OAS1: variants seen among roughly 807,000 people sequenced by gnomAD.
OAS1 encodes 2'-5'-oligoadenylate synthetase 1, also known as 2'-5'-oligoadenylate synthase 1.
In OAS1, 24 loss-of-function variants were observed where a neutral mutation model predicts 38.5. The ratio of observed to expected loss-of-function variants is 0.62; its 90% confidence interval spans 0.45 to 0.88. The LOEUF (loss-of-function observed/expected upper bound fraction) is 0.88. Among genes scored for constraint, OAS1 ranks in the 40% least tolerant of loss-of-function variants. OAS1 has a pLI of 0.00. For missense variants in OAS1, 482 were observed against 493.9 expected (o/e 0.98, Z 0.23); for synonymous variants, 169 against 193.9 (o/e 0.87, Z 1.07).
rs772834487 is a variant in OAS1, at chr12:112,919,629, TC to T, written c.*78del. The stretch of plus-strand genomic sequence containing the variant: ...CTTCATTTTCAGGTGGGACTCTTGA[TC>T]CAGAGAGGACAAAGCTCCTCAGTGA... On this transcript the variant is annotated 3_prime_UTR_variant, in exon 6 of 6. Coordinates refer to ENST00000202917, the MANE Select transcript of OAS1 (RefSeq NM_016816.4). 23 of 1,611,338 alleles carry T rather than the reference TC, an allele frequency of 1.4e-5. 1 individual carries two copies. The highest frequency in any genetic ancestry group is 2.5e-6 in the Non-Finnish European group (3 of 1,178,850).
chr12:112,921,999 G>A (rs533256820), downstream of OAS1, among the ~76,000 whole-genome samples: 1 of 152,306 alleles, frequency 6.6e-6, no homozygotes, highest in South Asian at 2.1e-4. Flanking sequence ...CAAATGACAA[G>A]CCTGACTTGG....
At chr12:112,925,209 G>A (rs895022191) in intron 6 of OAS1, among the ~76,000 whole-genome samples, 10 of 152,168 alleles carry the variant, frequency 6.6e-5, no homozygotes, top group African/African-American at 2.2e-4. Context: ...TCAGCTTCAT[G>A]TTAGGTCTCC....
chr12:112,926,875 C>T (rs1043436043), intron 6 of OAS1, among the ~76,000 whole-genome samples: 1 of 152,170 alleles, frequency 6.6e-6, no homozygotes, highest in Non-Finnish European at 1.5e-5. Flanking sequence ...ACCCCCAGAG[C>T]GGCCATTTTA....
chr12:112,919,017 C>G (rs986825246), intron 5 of OAS1: 3 of 280,324 alleles, frequency 1.1e-5, no homozygotes, highest in Middle Eastern at 1.2e-3. Flanking sequence ...GAGAAGTGAA[C>G]AGGGATGCAG....
chr12:112,909,815 G>A (rs540477036), intron 2 of OAS1, among the ~76,000 whole-genome samples: 57 of 152,224 alleles, frequency 3.7e-4, no homozygotes, highest in Middle Eastern at 3.4e-3. Context: ...GTCACACACC[G>A]CACAAACGGC....
rs45511002 is a variant in OAS1 at position 112,931,992 on chromosome 12, AG to A, written c.*72del. ...CCTATAGTTTCCAGGTTGCTTAGGG[AG>A]GCAGAAATCACAGCAAGGAAAACCT... On this transcript the variant is annotated 3_prime_UTR_variant, in exon 7 of 7. Transcript: ENST00000540589. 2,655 of 692,302 alleles carry A rather than the reference AG, an allele frequency of 3.8e-3. 6 individuals are homozygous for A. Among genetic ancestry groups the A allele is most frequent in the Non-Finnish European group, 5.4e-3 (2,051 of 382,322 alleles). The allele number at this position is 692,302 out of a possible 1,614,324, so 42.9% of individuals were successfully genotyped here. A position where few individuals can be genotyped will look rare whatever the true frequency, so the allele number is the denominator to read the frequency against.
chr12:112,930,422 T>G (rs2043590499), intron 6 of OAS1, among the ~76,000 whole-genome samples: 2 of 152,246 alleles, frequency 1.3e-5, no homozygotes, highest in Admixed American at 1.3e-4. Flanking sequence ...ATGTGGGATT[T>G]GAACCCACCT....
chr12:112,907,320 C>A, intron 1 of OAS1, 101 bp downstream of exon 1: 2 of 1,222,090 alleles, frequency 1.6e-6, no homozygotes, highest in Non-Finnish European at 1.2e-6. Context: ...AACCTAGAAC[C>A]CAGGGTGCAA....
rs2043463552 is a variant in OAS1 at position 112,916,655 on chromosome 12, ACTCTGCAT to A, written c.804_811del (p.Cys269LeufsTer6). ...TGGAATTAGTCATAAACTACCAGCA[ACTCTGCAT>A]CTACTGGACAAAGTATTATGACTTT... On this transcript the variant is annotated frameshift_variant, in exon 4 of 6. Transcript: ENST00000202917. LOFTEE classifies it high-confidence loss of function. The A allele has an allele frequency of 6.2e-7, 1 of 1,614,100 alleles. No homozygotes were observed.
intron 6 of OAS1, among the ~76,000 whole-genome samples, chr12:112,925,400 T>C (rs974544905): frequency 6.6e-6 from 1 of 152,142 alleles, no homozygotes; most frequent in African/African-American, 2.4e-5. Context: ...CTCCCCAAAC[T>C]TCCCTTCAGG....
intron 6 of OAS1, chr12:112,931,858 A>C (rs1211207520): frequency 1.3e-5 from 9 of 697,508 alleles, no homozygotes. Context: ...AGTGACACAC[A>C]CTCCTTTCTT....
intron 6 of OAS1, among the ~76,000 whole-genome samples, chr12:112,925,960 A>G (rs989731561): frequency 7.2e-5 from 11 of 152,220 alleles, no homozygotes; most frequent in Non-Finnish European, 1.6e-4. Flanking sequence ...ATATTTATCA[A>G]AGGTCTGCCC....
intron 6 of OAS1, among the ~76,000 whole-genome samples, chr12:112,929,199 A>T (rs1040636882): frequency 6.6e-6 from 1 of 152,244 alleles, no homozygotes; most frequent in African/African-American, 2.4e-5. Context: ...CCATCAGGCA[A>T]CTACAGGCCA....
At chr12:112,911,329 G>T in intron 3 of OAS1, 94 bp downstream of exon 3, 1 of 981,902 alleles carries the variant, frequency 1.0e-6, no homozygotes, top group Non-Finnish European at 1.5e-6. Flanking sequence ...GAAGGGAAGA[G>T]GAGGGGGAGT....
intron 6 of OAS1, among the ~76,000 whole-genome samples, chr12:112,928,754 CA>C (rs2136334144): frequency 6.6e-6 from 1 of 152,368 alleles, no homozygotes; most frequent in Admixed American, 6.5e-5. Context: ...TGAGCAAACT[CA>C]AGGACTTGGG....
In OAS1 at chr12:112,908,598, C is replaced by G. The variant is rs1361251741; in HGVS notation, c.243C>G (p.Phe81Leu). Residue 81 changes from phenylalanine to leucine, a missense_variant, in exon 2 of 6, where the codon TTC (phenylalanine) becomes TTG (leucine). Phe to Leu is a conservative substitution (Grantham distance 22). Transcript: ENST00000202917. ...RGRSDADLVV[F>L]LSPLTTFQDQ... ...GATCTGACGCTGACCTGGTTGTCTTCCTCAGTCCTCTCACCACTTTTCAGG... is the reference window on the plus strand; with the variant it reads ...GATCTGACGCTGACCTGGTTGTCTTGCTCAGTCCTCTCACCACTTTTCAGG... The G allele has an allele frequency of 6.2e-7, 1 of 1,614,178 alleles. No homozygotes were observed. The highest frequency in any genetic ancestry group is 1.1e-5 in the South Asian group (1 of 91,072).
downstream of OAS1, among the ~76,000 whole-genome samples, chr12:112,923,086 TTAAC>T (rs1375448732): frequency 6.6e-6 from 1 of 152,228 alleles, no homozygotes; most frequent in Non-Finnish European, 1.5e-5. Context: ...ACTGTATACA[TTAAC>T]TGTGTGCACT....
At chr12:112,907,763 T>C (rs2043316388) in intron 1 of OAS1, 1 of 152,640 alleles carries the variant, frequency 6.6e-6, no homozygotes, top group South Asian at 2.1e-4. Flanking sequence ...TTGTCCTGCA[T>C]CCAAGAAAAT....
At chr12:112,917,432 C>T (rs1273806599) in intron 4 of OAS1, 115 bp from the exon 5 acceptor site, 11 of 1,409,478 alleles carry the variant, frequency 7.8e-6, no homozygotes, top group Non-Finnish European at 1.1e-5. Flanking sequence ...AGCCCTTCCT[C>T]ATGTTCTGAG....
Sources: gnomAD v4.1 joint callset for allele counts (sites outside exome capture counted in the v4.1 genomes callset) on GRCh38, gnomAD v4.1.1 for gene constraint, MANE v1.5 for transcripts, NCBI Gene and HGNC (gene_info 2026-07-23, HGNC 2026-07-21) for gene names.